CSMD1: variants seen among roughly 807,000 people sequenced by gnomAD.
CSMD1 encodes CUB and Sushi multiple domains 1, also known as CUB and sushi domain-containing protein 1.
Under a neutral mutation model 417.5 loss-of-function variants are expected in CSMD1, and 213 were observed. The observed-to-expected ratio is 0.51, with a 90% confidence interval of 0.46 to 0.57. The LOEUF (loss-of-function observed/expected upper bound fraction) is 0.57. Ranked by LOEUF, CSMD1 falls within the 20% of genes least tolerant of loss-of-function variation. CSMD1 has a pLI of 0.00. For synonymous variants in CSMD1, 2,862 were observed against 1,736.8 expected, an observed-to-expected ratio of 1.65 and a Z score of -16.11; for missense variants, 6,923 against 4,529.7, an observed-to-expected ratio of 1.53 and a Z score of -15.17.
At chr8:4,010,686 C>T (rs1389793920) in intron 4 of CSMD1, among the ~76,000 whole-genome samples, 1 of 152,128 alleles carries the variant, frequency 6.6e-6, no homozygotes, top group African/African-American at 2.4e-5. Context: ...CTGACTCTGC[C>T]TCCCCTTCAC....
At chr8:4,751,144 G>A (rs1436740997) in intron 1 of CSMD1, among the ~76,000 whole-genome samples, 1 of 152,200 alleles carries the variant, frequency 6.6e-6, no homozygotes, top group Admixed American at 6.5e-5. Context: ...CAGCACTTTG[G>A]GAGGCCGAGG....
intron 3 of CSMD1, among the ~76,000 whole-genome samples, chr8:4,362,579 G>A (rs1801834982): frequency 6.6e-6 from 1 of 152,170 alleles, no homozygotes; most frequent in Non-Finnish European, 1.5e-5. Flanking sequence ...CCCGTGAAGT[G>A]TAGCACAAAA....
chr8:4,444,437 T>C (rs911229814), intron 2 of CSMD1, among the ~76,000 whole-genome samples: 11 of 146,386 alleles, frequency 7.5e-5, no homozygotes, highest in African/African-American at 2.8e-4. Flanking sequence ...AACTTTTAGA[T>C]CAACAGCATG....
chr8:4,243,275 T>C (rs894750381), intron 3 of CSMD1, among the ~76,000 whole-genome samples: 3 of 152,302 alleles, frequency 2.0e-5, no homozygotes, highest in East Asian at 3.9e-4. Flanking sequence ...CCTAGTCTCA[T>C]GAACTAGGTC....
At chr8:4,425,513 G>A (rs149776168) in intron 2 of CSMD1, among the ~76,000 whole-genome samples, 49 of 152,160 alleles carry the variant, frequency 3.2e-4, no homozygotes, top group African/African-American at 1.1e-3. Flanking sequence ...ACTCCACACT[G>A]GCTGCGAGTA....
intron 49 of CSMD1, among the ~76,000 whole-genome samples, chr8:3,064,134 G>A (rs1812766000): frequency 6.6e-6 from 1 of 152,324 alleles, no homozygotes; most frequent in Non-Finnish European, 1.5e-5. Context: ...AGAGGACACA[G>A]GTTACTGAAT....
At chr8:4,797,520 C>T (rs1040288397) in intron 1 of CSMD1, among the ~76,000 whole-genome samples, 4 of 152,056 alleles carry the variant, frequency 2.6e-5, no homozygotes, top group Non-Finnish European at 5.9e-5. Flanking sequence ...ATGCAAAAAC[C>T]ACAATTCCTT....
intron 2 of CSMD1, among the ~76,000 whole-genome samples, chr8:4,629,987 T>G (rs893200147): frequency 1.3e-5 from 2 of 152,096 alleles, no homozygotes; most frequent in South Asian, 4.1e-4. Context: ...ACACCTGTAT[T>G]TACAAATGCC....
intron 44 of CSMD1, 39 bp from the exon 45 acceptor site, chr8:3,107,837 AC>A: frequency 1.6e-6 from 2 of 1,279,462 alleles, no homozygotes; most frequent in Non-Finnish European, 2.2e-6. Flanking sequence ...AATTGCAATT[AC>A]ACTTGCTGAA....
In CSMD1 at chr8:3,807,578, C is replaced by G. The variant is rs117814406; in HGVS notation, c.819-53536G>C. ...ATTGCACATTTTAATAACAGACTTA[C>G]AAAGCCACAATTTCTTTGTGTTTAA... On this transcript the variant is annotated intron_variant, in intron 5 of 69. Transcript: ENST00000635120. Among the ~76,000 whole-genome samples the G allele has an allele frequency of 0.011, 1,741 of 152,238 alleles. 85 individuals are homozygous for G. In the East Asian group the frequency reaches 0.15, roughly 13 times the overall value.
At chr8:3,771,430 T>C (rs745309196) in intron 5 of CSMD1, among the ~76,000 whole-genome samples, 26 of 152,202 alleles carry the variant, frequency 1.7e-4, no homozygotes, top group African/African-American at 4.6e-4. Context: ...TTGCAGATGA[T>C]AGCAAGTTCT....
rs11993304 is a variant in CSMD1, at chr8:3,027,662, T to C, written c.7855+1657A>G. 6.1e-4 allele frequency among the ~76,000 whole-genome samples: 93 copies of C among 152,068 alleles called. No individual in the cohort carries two copies. The East Asian group carries it at 0.012, about 20-fold the overall frequency. ...GCAGCTGACAATTTAGAAAACAAAT[T>C]TGTGGCCCGAGACACCTAGACATGT... On this transcript the variant is annotated intron_variant, in intron 51 of 69. Transcript: ENST00000635120.
At chr8:4,032,556 T>C (rs1024949985) in intron 3 of CSMD1, among the ~76,000 whole-genome samples, 11 of 152,200 alleles carry the variant, frequency 7.2e-5, no homozygotes, top group Non-Finnish European at 1.5e-4. Flanking sequence ...TGGTACAGTG[T>C]CTGTTACACA....
intron 1 of CSMD1, among the ~76,000 whole-genome samples, chr8:4,949,221 AT>A (rs1209540628): frequency 1.3e-5 from 2 of 152,050 alleles, no homozygotes; most frequent in African/African-American, 4.8e-5. Context: ...TTTGTCTATA[AT>A]TTTTTTAGAA....
At chr8:3,729,947 AAAAAAAAAAAAAAAC>A (rs1226336235) in intron 6 of CSMD1, among the ~76,000 whole-genome samples, 541 of 16,478 alleles carry the variant, frequency 0.033, 60 homozygotes, top group East Asian at 0.13. Flanking sequence ...AAAAAAAAAA[AAAAAAAAAAAAAAAC>A]AAAAACAGAA....
chr8:3,079,929 G>A (rs182344710), intron 49 of CSMD1, among the ~76,000 whole-genome samples: 1 of 152,216 alleles, frequency 6.6e-6, no homozygotes, highest in East Asian at 1.9e-4. Flanking sequence ...CACCAGTTCC[G>A]TCCTTGGCCA....
At chr8:4,806,926 C>T (rs187288958) in intron 1 of CSMD1, among the ~76,000 whole-genome samples, 227 of 152,284 alleles carry the variant, frequency 1.5e-3, no homozygotes, top group Non-Finnish European at 2.6e-3. Context: ...TGCATGCCTG[C>T]GCTCTTAAGC....
intron 1 of CSMD1, among the ~76,000 whole-genome samples, chr8:4,811,320 A>G (rs963353823): frequency 2.6e-5 from 4 of 152,182 alleles, no homozygotes; most frequent in African/African-American, 9.7e-5. Flanking sequence ...ATTGACTCGG[A>G]GAGAGAAGTT....
chr8:3,337,596 G>C (rs1807353159), intron 23 of CSMD1, among the ~76,000 whole-genome samples: 1 of 152,142 alleles, frequency 6.6e-6, no homozygotes, highest in Admixed American at 6.5e-5. Context: ...GATGTACAGG[G>C]AATGCATATC....
Sources: gnomAD v4.1 joint callset for allele counts (sites outside exome capture counted in the v4.1 genomes callset) on GRCh38, gnomAD v4.1.1 for gene constraint, MANE v1.5 for transcripts, NCBI Gene and HGNC (gene_info 2026-07-23, HGNC 2026-07-21) for gene names.